CNTNAP2: variants seen among roughly 807,000 people sequenced by gnomAD.
CNTNAP2 encodes the protein contactin associated protein 2, also known as contactin-associated protein-like 2.
A neutral mutation model predicts 155.2 loss-of-function variants in CNTNAP2; 98 were observed. The ratio of observed to expected loss-of-function variants is 0.63; its 90% CI spans 0.54 to 0.75. CNTNAP2 has a LOEUF of 0.75. Among genes scored for constraint, CNTNAP2 ranks in the 30% least tolerant of loss-of-function variants. CNTNAP2 has a pLI of 0.00. For synonymous variants in CNTNAP2, 651 were observed against 631.2 expected (o/e 1.03, Z -0.47); for missense variants, 1,727 against 1,688.1 (o/e 1.02, Z -0.40).
chr7:148,257,090 T>C (rs1796468233), intron 20 of CNTNAP2, among the ~76,000 whole-genome samples: 1 of 152,042 alleles, frequency 6.6e-6, no homozygotes, highest in Non-Finnish European at 1.5e-5. Context: ...GAGTGCACAG[T>C]GCCTCCCCAG....
intron 8 of CNTNAP2, among the ~76,000 whole-genome samples, chr7:147,214,899 G>C (rs1475837765): frequency 6.6e-6 from 1 of 152,058 alleles, no homozygotes; most frequent in East Asian, 1.9e-4. Flanking sequence ...GCATACTTAC[G>C]GTCATGATAG....
intron 19 of CNTNAP2, among the ~76,000 whole-genome samples, chr7:148,224,025 A>G (rs1795797726): frequency 6.6e-6 from 1 of 152,184 alleles, no homozygotes; most frequent in Admixed American, 6.5e-5. Flanking sequence ...TGTATGTGTT[A>G]TAAGTGGACT....
At chr7:146,883,183 T>C (rs906779022) in intron 3 of CNTNAP2, among the ~76,000 whole-genome samples, 1 of 152,318 alleles carries the variant, frequency 6.6e-6, no homozygotes, top group African/African-American at 2.4e-5. Context: ...GATATGCATT[T>C]GTACATTGTA....
chr7:148,111,390 G>A (rs1024329858), intron 15 of CNTNAP2, among the ~76,000 whole-genome samples: 1 of 152,098 alleles, frequency 6.6e-6, no homozygotes, highest in Admixed American at 6.6e-5. Flanking sequence ...TGAAAAAGGG[G>A]ACTATCAGAG....
At chr7:148,147,369 T>C (rs1563214601) in intron 16 of CNTNAP2, 122 bp from the exon 17 acceptor site, 2 of 947,060 alleles carry the variant, frequency 2.1e-6, no homozygotes, top group Non-Finnish European at 3.4e-6. Context: ...CATCGACCTT[T>C]GTAGGACGTG....
chr7:146,492,353 C>G (rs1485823235), intron 1 of CNTNAP2, among the ~76,000 whole-genome samples: 1 of 152,124 alleles, frequency 6.6e-6, no homozygotes, highest in Non-Finnish European at 1.5e-5. Context: ...ATACTGTGCC[C>G]TTCCTCATGT....
intron 3 of CNTNAP2, among the ~76,000 whole-genome samples, chr7:146,939,638 T>G (rs1235276697): frequency 6.6e-6 from 1 of 152,202 alleles, no homozygotes; most frequent in Non-Finnish European, 1.5e-5. Flanking sequence ...TTCATTATAC[T>G]TCATTCTTAA....
intron 21 of CNTNAP2, among the ~76,000 whole-genome samples, chr7:148,268,007 A>G (rs1192682794): frequency 6.6e-6 from 1 of 152,258 alleles, no homozygotes; most frequent in Non-Finnish European, 1.5e-5. Flanking sequence ...TGTGAATTCC[A>G]GAGTCTCCTT....
intron 1 of CNTNAP2, among the ~76,000 whole-genome samples, chr7:146,640,730 T>G (rs939314515): frequency 5.3e-5 from 8 of 152,308 alleles, no homozygotes; most frequent in African/African-American, 1.7e-4. Context: ...TTTGGTGCAT[T>G]TTTCTCTTCT....
intron 4 of CNTNAP2, among the ~76,000 whole-genome samples, chr7:147,072,260 T>C (rs1357969027): frequency 1.3e-5 from 2 of 152,076 alleles, no homozygotes; most frequent in Admixed American, 6.6e-5. Context: ...TGATTTGGTA[T>C]GAAATAAGGC....
intron 16 of CNTNAP2, among the ~76,000 whole-genome samples, chr7:148,128,206 G>T (rs990857539): frequency 1.3e-5 from 2 of 152,078 alleles, no homozygotes; most frequent in African/African-American, 4.8e-5. Flanking sequence ...GCCAACTTGG[G>T]TTATCAACAT....
At chr7:148,381,123 G>C (rs1799049303) in intron 21 of CNTNAP2, among the ~76,000 whole-genome samples, 2 of 152,242 alleles carry the variant, frequency 1.3e-5, no homozygotes, top group Admixed American at 1.3e-4. Context: ...CTCTGTGCAG[G>C]CTCCGTGGCA....
chr7:147,520,914 A>G (rs2888493), intron 11 of CNTNAP2, among the ~76,000 whole-genome samples: 42,692 of 152,026 alleles, frequency 0.28, 6,396 homozygotes, highest in African/African-American at 0.39. Context: ...GACTCTTCAC[A>G]GATTTCTGGA....
intron 10 of CNTNAP2, among the ~76,000 whole-genome samples, chr7:147,415,464 A>G (rs1448524949): frequency 6.6e-6 from 1 of 152,146 alleles, no homozygotes; most frequent in Non-Finnish European, 1.5e-5. Context: ...AGCTCTCACG[A>G]GATCTGATGA....
In CNTNAP2 at chr7:147,347,265, T is replaced by G. The variant is rs1275986851; in HGVS notation, c.1498+46975T>G. ...GAGGGTAGTTGTAGGTCAATCTTGG[T>G]CAGTGGACTTGTTTGCAACCCTAAA... On this transcript the variant is annotated intron_variant, in intron 9 of 23. Coordinates refer to ENST00000361727, the MANE Select transcript of CNTNAP2 (RefSeq NM_014141.6). 1.3e-5 allele frequency among the ~76,000 whole-genome samples: 2 copies of G among 151,764 alleles called. 1 individual carries two copies. Among genetic ancestry groups the G allele is most frequent in the Non-Finnish European group, 2.9e-5 (2 of 67,950 alleles).
At chr7:147,575,873 C>G (rs1800388540) in intron 12 of CNTNAP2, among the ~76,000 whole-genome samples, 1 of 151,664 alleles carries the variant, frequency 6.6e-6, no homozygotes, top group Non-Finnish European at 1.5e-5. Context: ...TTCACAATAA[C>G]CCTGAGAAGT....
intron 1 of CNTNAP2, among the ~76,000 whole-genome samples, chr7:146,240,490 T>A (rs1445617598): frequency 1.3e-5 from 2 of 151,896 alleles, no homozygotes; most frequent in Non-Finnish European, 2.9e-5. Flanking sequence ...TAATTAATAA[T>A]TTAATGATAA....
At chr7:148,077,191 CAGCT>C (rs1803504054) in intron 15 of CNTNAP2, among the ~76,000 whole-genome samples, 1 of 151,868 alleles carries the variant, frequency 6.6e-6, no homozygotes, top group Admixed American at 6.6e-5. Context: ...CCTGTAATCC[CAGCT>C]ACTCAGGAGG....
intron 13 of CNTNAP2, among the ~76,000 whole-genome samples, chr7:147,721,413 T>G (rs1796564558): frequency 6.6e-6 from 1 of 152,152 alleles, no homozygotes; most frequent in African/African-American, 2.4e-5. Flanking sequence ...AAAAAATTAC[T>G]GAGACTTCTA....
Sources: gnomAD v4.1 joint callset for allele counts (sites outside exome capture counted in the v4.1 genomes callset) on GRCh38, gnomAD v4.1.1 for gene constraint, MANE v1.5 for transcripts, NCBI Gene and HGNC (gene_info 2026-07-23, HGNC 2026-07-21) for gene names.